Variants in CSMD1 observed in about 807,000 individuals in gnomAD.
The protein encoded by CSMD1 is CUB and sushi domain-containing protein 1.
CSMD1 carries 213 observed loss-of-function variants against 417.5 expected under a neutral mutation model. That is an observed-to-expected ratio of 0.51 (90% CI 0.46 to 0.57). The LOEUF (loss-of-function observed/expected upper bound fraction) is 0.57, where lower values mean the gene tolerates loss of function less well. Among genes scored for constraint, CSMD1 ranks in the 20% least tolerant of loss-of-function variants. The probability of loss-of-function intolerance (pLI) is 0.00; values close to 1 mark genes in which losing one functional copy is unlikely to be tolerated. For missense variants in CSMD1, 6,923 were observed against 4,529.7 expected, an observed-to-expected ratio of 1.53 and a Z score of -15.17; for synonymous variants, 2,862 against 1,736.8, an observed-to-expected ratio of 1.65 and a Z score of -16.11.
chr8:3,826,819 C>A (rs1421892919), intron 5 of CSMD1, among the ~76,000 whole-genome samples: 5 of 152,160 alleles, frequency 3.3e-5, no homozygotes, highest in Non-Finnish European at 7.3e-5. Context: ...CAGGGTCTCA[C>A]TCTGTCATCT....
chr8:4,404,978 G>C (rs959654187), intron 3 of CSMD1, among the ~76,000 whole-genome samples: 1 of 152,196 alleles, frequency 6.6e-6, no homozygotes, highest in Non-Finnish European at 1.5e-5. Context: ...GGCACAAGAG[G>C]ATTAGTCATT....
chr8:3,067,886 C>T (rs1031210553), intron 49 of CSMD1, among the ~76,000 whole-genome samples: 9 of 152,024 alleles, frequency 5.9e-5, no homozygotes. Flanking sequence ...TCAGGGGTCA[C>T]TGTTGTCCAG....
intron 3 of CSMD1, among the ~76,000 whole-genome samples, chr8:4,103,416 C>T (rs1053222189): frequency 2.6e-5 from 4 of 151,206 alleles, no homozygotes; most frequent in African/African-American, 4.9e-5. Flanking sequence ...TTTTCTAAAC[C>T]TTGGCTTTTT....
rs545384447 is a variant in CSMD1 at position 4,798,965 on chromosome 8, A to G, written c.86-161407T>C. On this transcript the variant is annotated intron_variant, in intron 1 of 69. Coordinates refer to ENST00000635120, the MANE Select transcript of CSMD1 (RefSeq NM_033225.6). ...GATCTGCCCTCCAAATTCACTCTCC[A>G]TGCTTCTGCACGCCCACATCCTCCT... Among the ~76,000 whole-genome samples, 54 of 152,242 alleles carry G rather than the reference A, an allele frequency of 3.5e-4. No homozygotes were observed. In the South Asian group the frequency reaches 8.3e-3, roughly 23 times the overall value.
chr8:3,810,208 T>C (rs1051962480), intron 5 of CSMD1, among the ~76,000 whole-genome samples: 18 of 152,266 alleles, frequency 1.2e-4, no homozygotes, highest in African/African-American at 4.3e-4. Context: ...CAGGACAGTC[T>C]AGTCTTTGAC....
intron 2 of CSMD1, among the ~76,000 whole-genome samples, chr8:4,420,798 T>G (rs1049170168): frequency 6.6e-6 from 1 of 152,160 alleles, no homozygotes; most frequent in Non-Finnish European, 1.5e-5. Context: ...AACATAAGAA[T>G]GCTGAGAATA....
intron 3 of CSMD1, among the ~76,000 whole-genome samples, chr8:4,145,316 C>G (rs1415718976): frequency 6.6e-6 from 1 of 150,900 alleles, no homozygotes; most frequent in Non-Finnish European, 1.5e-5. Flanking sequence ...TGGTACTCAC[C>G]ATTTTTTGAG....
rs750928648 is a variant in CSMD1 at position 4,420,037 on chromosome 8, T to C, written c.331A>G (p.Ile111Val). The change falls in exon 3 of 70, where the codon ATA becomes GTA. Residue 111 changes from isoleucine (I) to valine (V), a missense_variant. By Grantham distance (29) the Ile-to-Val change is conservative (BLOSUM62 3). Transcript: ENST00000635120. ...GTGAGGATAGATCCTGTACTCACTATAGAGGAGGGCAGCTGAAATCCCGAT... is the reference window on the plus strand; with the variant it reads ...GTGAGGATAGATCCTGTACTCACTACAGAGGAGGGCAGCTGAAATCCCGAT... ...RLSGFQLPSS[I>V]VSTGSILTLW... 5.1e-6 allele frequency: 8 copies of C among 1,576,840 alleles called. No individual in the cohort carries two copies. The East Asian group carries it at 6.9e-5, about 14-fold the overall frequency.
chr8:2,959,823 T>C (rs760162511), intron 62 of CSMD1, among the ~76,000 whole-genome samples: 8 of 152,174 alleles, frequency 5.3e-5, no homozygotes, highest in Non-Finnish European at 7.4e-5. Context: ...AAGGAAGAAA[T>C]AAAAACATTT....
intron 2 of CSMD1, among the ~76,000 whole-genome samples, chr8:4,632,587 A>G (rs2725083): frequency 0.86 from 130,866 of 152,042 alleles, 56,686 homozygotes; most frequent in African/African-American, 0.95. Context: ...CACATTTCTT[A>G]GCCTCAGAGG....
intron 3 of CSMD1, among the ~76,000 whole-genome samples, chr8:4,302,781 C>T (rs1798046505): frequency 6.6e-6 from 1 of 152,260 alleles, no homozygotes; most frequent in East Asian, 1.9e-4. Context: ...GTAGAGTTGG[C>T]ACCGTCAGCC....
chr8:3,721,835 G>C (rs571032563), intron 6 of CSMD1, among the ~76,000 whole-genome samples: 1 of 152,090 alleles, frequency 6.6e-6, no homozygotes, highest in Admixed American at 6.6e-5. Flanking sequence ...ATTACAGGGA[G>C]TTTTCTGAGA....
Position 4,680,713 on chromosome 8 carries a change from G to C in CSMD1, c.86-43155C>G, listed in dbSNP as rs374014639. 2.4e-3 allele frequency among the ~76,000 whole-genome samples: 370 copies of C among 152,158 alleles called. 15 individuals carry two copies. The South Asian group carries it at 0.061, about 25-fold the overall frequency. ...TCCCGCCTCAGCCTCCCGAGTAGCT[G>C]GGATTACAGGTGAGGCCCACCACAC... On this transcript the variant is annotated intron_variant, in intron 1 of 69. Transcript: ENST00000635120.
intron 26 of CSMD1, among the ~76,000 whole-genome samples, chr8:3,253,311 C>A (rs574984858): frequency 2.0e-5 from 3 of 151,948 alleles, no homozygotes; most frequent in East Asian, 3.9e-4. Flanking sequence ...AGGAGCAGGT[C>A]GTTCAGTTTC....
rs1026781662 is a variant in CSMD1 at position 2,942,776 on chromosome 8, C to T, written c.10403-172G>A. Reference sequence around the variant, plus strand: ...AGATTTTTAATATCCACTTAATGACCGGGACAAAAAACTGACTATTTCCTA... The same window carrying T: ...AGATTTTTAATATCCACTTAATGACTGGGACAAAAAACTGACTATTTCCTA... On this transcript the variant is annotated intron_variant, in intron 68 of 69. Coordinates refer to ENST00000635120, the MANE Select transcript of CSMD1 (RefSeq NM_033225.6). Among the ~76,000 whole-genome samples, 8 of 152,092 alleles carry T rather than the reference C, an allele frequency of 5.3e-5. No homozygotes were observed. In the East Asian group the frequency reaches 9.7e-4, roughly 18 times the overall value.
intron 2 of CSMD1, among the ~76,000 whole-genome samples, chr8:4,518,844 C>T (rs911734668): frequency 1.3e-5 from 2 of 151,966 alleles, no homozygotes; most frequent in African/African-American, 2.4e-5. Context: ...GGAGATTATT[C>T]GGCATGGTCT....
intron 6 of CSMD1, among the ~76,000 whole-genome samples, chr8:3,728,981 G>T (rs775817316): frequency 6.6e-6 from 1 of 152,180 alleles, no homozygotes; most frequent in Non-Finnish European, 1.5e-5. Context: ...GGGCTGAGGT[G>T]GTAGAGTGTG....
At chr8:4,835,496 T>C (rs1290019545) in intron 1 of CSMD1, among the ~76,000 whole-genome samples, 2 of 152,188 alleles carry the variant, frequency 1.3e-5, no homozygotes, top group Admixed American at 6.5e-5. Flanking sequence ...TTGAGATGCC[T>C]GTGAAACAAT....
intron 2 of CSMD1, among the ~76,000 whole-genome samples, chr8:4,506,860 TTGA>T (rs1178652362): frequency 1.3e-5 from 2 of 152,204 alleles, no homozygotes; most frequent in Admixed American, 1.3e-4. Flanking sequence ...ATTTGTACGA[TTGA>T]TAAGTTTATA....
Sources: gnomAD v4.1 joint callset for allele counts (sites outside exome capture counted in the v4.1 genomes callset) on GRCh38, gnomAD v4.1.1 for gene constraint, MANE v1.5 for transcripts, NCBI Gene and HGNC (gene_info 2026-07-23, HGNC 2026-07-21) for gene names.